The following NFIB variants were observed in gnomAD, a reference collection of about 807,000 sequenced individuals.
The protein encoded by NFIB is nuclear factor I B, also known as nuclear factor 1 B-type.
Under a neutral mutation model 61.5 loss-of-function variants are expected in NFIB, and 11 were observed. The observed-to-expected ratio is 0.18, with a 90% confidence interval of 0.11 to 0.30. The LOEUF is 0.30. NFIB is among the 10% of genes least tolerant of loss of function. The pLI is 1.00. For synonymous variants in NFIB, 260 were observed against 216.5 expected (o/e 1.20, Z -1.76); for missense variants, 471 against 608.9 (o/e 0.77, Z 2.38).
chr9:14,132,454 G>T (rs2040506409), intron 6 of NFIB, among the ~76,000 whole-genome samples: 1 of 152,012 alleles, frequency 6.6e-6, no homozygotes, highest in African/African-American at 2.4e-5. Context: ...TATAATCATT[G>T]TTAAAATATC....
chr9:14,294,100 G>A (rs563938265), intron 2 of NFIB, among the ~76,000 whole-genome samples: 9 of 152,178 alleles, frequency 5.9e-5, no homozygotes, highest in Non-Finnish European at 1.0e-4. Flanking sequence ...AGGCCCTAAT[G>A]CTGTGTTTGT....
At chr9:14,286,961 GGAAGA>G (rs2058746055) in intron 2 of NFIB, among the ~76,000 whole-genome samples, 1 of 152,080 alleles carries the variant, frequency 6.6e-6, no homozygotes, top group Non-Finnish European at 1.5e-5. Context: ...GAGAACAAGG[GGAAGA>G]GAAGTATGAA....
intron 10 of NFIB, among the ~76,000 whole-genome samples, chr9:14,101,880 A>G (rs1173191338): frequency 6.6e-6 from 1 of 152,202 alleles, no homozygotes; most frequent in African/African-American, 2.4e-5. Context: ...TTCTTTAGTT[A>G]CTGATTCCAA....
chr9:14,421,710 A>G, the NFIB span, among the ~76,000 whole-genome samples: 1 of 152,250 alleles, frequency 6.6e-6, no homozygotes, highest in Non-Finnish European at 1.5e-5. Context: ...GAATTGGCCC[A>G]GTGCTAATTT....
chr9:14,282,904 T>C (rs1436647214), intron 2 of NFIB, among the ~76,000 whole-genome samples: 2 of 152,216 alleles, frequency 1.3e-5, no homozygotes, highest in Non-Finnish European at 2.9e-5. Context: ...GAACTTTACT[T>C]TCCATGATTA....
chr9:14,186,817 G>T (rs766656108), intron 2 of NFIB, among the ~76,000 whole-genome samples: 55 of 151,862 alleles, frequency 3.6e-4, no homozygotes, highest in Non-Finnish European at 6.8e-4. Flanking sequence ...TTAATGGAAG[G>T]TTGCTTCATT....
chr9:14,411,417 A>T, the NFIB span, among the ~76,000 whole-genome samples: 10 of 152,310 alleles, frequency 6.6e-5, no homozygotes, highest in African/African-American at 2.4e-4. Context: ...GGTGTGGCTC[A>T]GAGTGGCCAA....
the NFIB span, among the ~76,000 whole-genome samples, chr9:14,515,902 A>G: frequency 6.6e-6 from 1 of 152,222 alleles, no homozygotes; most frequent in East Asian, 1.9e-4. Flanking sequence ...AATCCCAAAC[A>G]GTCAGGATTC....
intron 3 of NFIB, among the ~76,000 whole-genome samples, chr9:14,174,318 G>C (rs936427286): frequency 2.6e-5 from 4 of 152,094 alleles, no homozygotes; most frequent in Admixed American, 6.5e-5. Context: ...TATGAATAGA[G>C]AGCCTATTTA....
intron 1 of NFIB, among the ~76,000 whole-genome samples, chr9:14,384,350 T>A (rs2061525199): frequency 6.6e-6 from 1 of 152,200 alleles, no homozygotes; most frequent in African/African-American, 2.4e-5. Flanking sequence ...CTGAGAGAAA[T>A]GCTGCGATAA....
At chr9:14,391,574 CTT>C (rs138186371) in intron 1 of NFIB, among the ~76,000 whole-genome samples, 9,365 of 152,154 alleles carry the variant, frequency 0.062, 486 homozygotes, top group East Asian at 0.33. Flanking sequence ...TGAAATATGA[CTT>C]TTCTCCAGGA....
At chr9:14,302,918 C>T (rs189517795) in intron 2 of NFIB, among the ~76,000 whole-genome samples, 41 of 152,262 alleles carry the variant, frequency 2.7e-4, no homozygotes, top group Non-Finnish European at 1.2e-4. Context: ...GCAATATTAA[C>T]GCTAACTATC....
the NFIB span, among the ~76,000 whole-genome samples, chr9:14,528,107 A>G: frequency 8.5e-5 from 13 of 152,330 alleles, 1 homozygote; most frequent in African/African-American, 3.1e-4. Context: ...AGTCAATTAT[A>G]TATCTTTCAC....
rs376134422 is a variant in NFIB at position 14,321,145 on chromosome 9, C to T, written c.109-13625G>A. ...AAGTCCTCACACACTTCACATTCAA[C>T]CACAACTTAATGGATGGGATATTGT... On this transcript the variant is annotated intron_variant, in intron 1 of 8. Transcript: ENST00000380934. Among the ~76,000 whole-genome samples the T allele has an allele frequency of 2.6e-5, 4 of 152,136 alleles. No homozygotes were observed. The East Asian group carries it at 7.7e-4, about 29-fold the overall frequency.
intron 2 of NFIB, among the ~76,000 whole-genome samples, chr9:14,209,417 T>G (rs891936046): frequency 6.6e-6 from 1 of 152,256 alleles, no homozygotes; most frequent in Non-Finnish European, 1.5e-5. Flanking sequence ...ATACATATTT[T>G]TATTCATTAA....
chr9:14,155,847 T>C lies in NFIB; in HGVS notation c.663A>G (p.Ser221=), dbSNP rs61754991. ...SFVKSGVFNV[S]ELVRVSRTPI... ...TACTTCTGGATACTCTTACAAGTTCTGATACATTGAAGACTCCAGATTTTA... is the reference window on the plus strand; with the variant it reads ...TACTTCTGGATACTCTTACAAGTTCCGATACATTGAAGACTCCAGATTTTA... The change falls in exon 4 of 11, where the codon TCA becomes TCG. Residue 221 remains serine, a synonymous_variant. Coordinates refer to ENST00000380953, the MANE Select transcript of NFIB (RefSeq NM_001190737.2). 44 of 1,586,086 alleles carry C rather than the reference T, an allele frequency of 2.8e-5. No individual in the cohort carries two copies. The highest frequency in any genetic ancestry group is 3.4e-5 in the Non-Finnish European group (40 of 1,164,682).
intron 2 of NFIB, among the ~76,000 whole-genome samples, chr9:14,271,833 C>T (rs962744450): frequency 6.6e-6 from 1 of 152,174 alleles, no homozygotes; most frequent in Non-Finnish European, 1.5e-5. Context: ...CCACAATGAA[C>T]GTGACCCTGT....
chr9:14,531,843 G>A, the NFIB span: 117 of 152,236 alleles, frequency 7.7e-4, 1 homozygote, highest in African/African-American at 2.7e-3. Context: ...CACAGGCAGC[G>A]AACTTTATAA....
At chr9:14,504,141 ACTTGG>A in the NFIB span, among the ~76,000 whole-genome samples, 4 of 152,076 alleles carry the variant, frequency 2.6e-5, no homozygotes, top group Non-Finnish European at 5.9e-5. Context: ...TATTTGAAGT[ACTTGG>A]CTTTATTTCT....
Sources: allele counts gnomAD v4.1 joint callset (sites outside exome capture counted in the v4.1 genomes callset), GRCh38; gene constraint gnomAD v4.1.1; transcripts MANE v1.5; gene names NCBI Gene and HGNC (gene_info 2026-07-23, HGNC 2026-07-21).